The following UBXN2A variants were observed in gnomAD, a reference collection of about 807,000 sequenced individuals.
UBXN2A encodes UBX domain-containing protein 2A.
Under a neutral mutation model 28.4 loss-of-function variants are expected in UBXN2A, and 28 were observed. The observed-to-expected ratio is 0.99, with a 90% CI of 0.73 to 1.35. UBXN2A has a LOEUF of 1.35. Among genes scored for constraint, UBXN2A ranks in the 40% most tolerant of loss-of-function variants. The pLI, the probability that UBXN2A is intolerant of heterozygous loss-of-function variation, is 0.00. For missense variants in UBXN2A, 253 were observed against 297.9 expected (o/e 0.85, Z 1.11); for synonymous variants, 97 against 103.6 (o/e 0.94, Z 0.39).
chr2:23,965,821 C>G (rs1707137355), intron 2 of UBXN2A, among the ~76,000 whole-genome samples: 1 of 152,154 alleles, frequency 6.6e-6, no homozygotes, highest in Non-Finnish European at 1.5e-5. Context: ...TAGCATTCAT[C>G]AGTGACATCA....
At chr2:23,962,525 C>A (rs994381229) in intron 2 of UBXN2A, among the ~76,000 whole-genome samples, 48 of 151,966 alleles carry the variant, frequency 3.2e-4, no homozygotes, top group African/African-American at 1.1e-3. Context: ...TGTATTAGTC[C>A]ATTTTCATGC....
intron 3 of UBXN2A, among the ~76,000 whole-genome samples, chr2:23,976,145 C>T (rs1573582879): frequency 6.6e-6 from 1 of 152,302 alleles, no homozygotes; most frequent in East Asian, 1.9e-4. Context: ...AGTTGTGTCA[C>T]AATTGGGGAT....
upstream of UBXN2A, among the ~76,000 whole-genome samples, chr2:23,937,422 C>T (rs567377242): frequency 1.8e-4 from 28 of 152,070 alleles, no homozygotes; most frequent in South Asian, 3.3e-3. Context: ...TGGTGGCACA[C>T]GTCTGTGGTC....
At chr2:23,961,673 G>C (rs1451902992) in intron 2 of UBXN2A, among the ~76,000 whole-genome samples, 2 of 141,288 alleles carry the variant, frequency 1.4e-5, no homozygotes, top group Non-Finnish European at 3.0e-5. Context: ...TCAGCCTCCC[G>C]AGTAGCTGGG....
chr2:23,967,293 T>A (rs1296803422), intron 2 of UBXN2A, among the ~76,000 whole-genome samples: 1 of 152,176 alleles, frequency 6.6e-6, no homozygotes, highest in African/African-American at 2.4e-5. Flanking sequence ...ATAAATAACA[T>A]GAAGGAATGA....
chr2:23,942,134 G>A (rs1705791893), intron 1 of UBXN2A, among the ~76,000 whole-genome samples: 1 of 152,120 alleles, frequency 6.6e-6, no homozygotes, highest in Admixed American at 6.5e-5. Flanking sequence ...AGCAAAGACA[G>A]AGGCTAAAAT....
At chr2:23,930,875 A>G (rs1196073894) in intron 1 of UBXN2A, among the ~76,000 whole-genome samples, 1 of 152,080 alleles carries the variant, frequency 6.6e-6, no homozygotes, top group Non-Finnish European at 1.5e-5. Flanking sequence ...TAAAATTTAA[A>G]AAAAAAGGAG....
intron 6 of UBXN2A, chr2:23,996,937 A>C (rs1708561388): frequency 6.6e-6 from 1 of 151,916 alleles, no homozygotes; most frequent in Non-Finnish European, 1.5e-5. Flanking sequence ...AACCTCTTTC[A>C]CCTGGAGTTC....
At chr2:23,959,433 A>C (rs1428444572) in intron 2 of UBXN2A, among the ~76,000 whole-genome samples, 2 of 152,120 alleles carry the variant, frequency 1.3e-5, no homozygotes, top group Admixed American at 6.6e-5. Context: ...TGGAGGTTTC[A>C]GTGAGCCAAG....
At chr2:23,975,445 T>G (rs1360213280) in intron 3 of UBXN2A, among the ~76,000 whole-genome samples, 1 of 152,222 alleles carries the variant, frequency 6.6e-6, no homozygotes, top group Non-Finnish European at 1.5e-5. Flanking sequence ...CAAAGCAGAC[T>G]GAGAGCGGTA....
chr2:23,958,105 GTCTT>G (rs1706722784), intron 1 of UBXN2A, among the ~76,000 whole-genome samples, 192 bp from the exon 2 acceptor site: 1 of 152,140 alleles, frequency 6.6e-6, no homozygotes, highest in African/African-American at 2.4e-5. Context: ...GTTTTAAGAA[GTCTT>G]TCTTTTGTCA....
At chr2:23,960,039 T>G (rs531538650) in intron 2 of UBXN2A, among the ~76,000 whole-genome samples, 2 of 151,930 alleles carry the variant, frequency 1.3e-5, no homozygotes, top group Admixed American at 1.3e-4. Flanking sequence ...GATCACGAAG[T>G]CAGGAGATCG....
chr2:23,948,395 G>C (rs1356385023), intron 1 of UBXN2A, among the ~76,000 whole-genome samples: 1 of 151,514 alleles, frequency 6.6e-6, no homozygotes, highest in Non-Finnish European at 1.5e-5. Context: ...TGGGATTACA[G>C]GCATGCGCCA....
intron 1 of UBXN2A, among the ~76,000 whole-genome samples, chr2:23,928,033 G>A (rs1049295485): frequency 6.6e-6 from 1 of 151,690 alleles, no homozygotes; most frequent in African/African-American, 2.4e-5. Flanking sequence ...AAAAATCGAT[G>A]GGTGTTGTGG....
chr2:23,949,408 A>G (rs1036723118), intron 1 of UBXN2A, among the ~76,000 whole-genome samples: 1 of 151,920 alleles, frequency 6.6e-6, no homozygotes, highest in African/African-American at 2.4e-5. Flanking sequence ...TGTCTCTACT[A>G]AAAATACAAA....
At position 23,976,741 on chromosome 2, in the gene UBXN2A, T is replaced by C. The variant is rs556067803; in HGVS notation, c.181-228T>C. 5.5e-4 allele frequency among the ~76,000 whole-genome samples: 84 copies of C among 152,238 alleles called. 1 individual carries two copies. The East Asian group carries it at 0.015, about 28-fold the overall frequency. ...TTTTGGTGAGGACACAGCCAAACCA[T>C]ATCAATGATTTTGATTTTTTGTGGA... On this transcript the variant is annotated intron_variant, in intron 3 of 6. Transcript: ENST00000309033.
chr2:23,998,824 C>G (rs72781663), intron 6 of UBXN2A, among the ~76,000 whole-genome samples: 19,282 of 152,100 alleles, frequency 0.13, 1,319 homozygotes, highest in Middle Eastern at 0.22. Flanking sequence ...TCGTCTCCCG[C>G]GATCAACCTT....
At chr2:23,933,172 GACAAA>G (rs1350753484) in intron 1 of UBXN2A, among the ~76,000 whole-genome samples, 3 of 151,644 alleles carry the variant, frequency 2.0e-5, no homozygotes, top group South Asian at 2.1e-4. Context: ...AGCAAAAAAT[GACAAA>G]ACAAATTTTA....
intron 1 of UBXN2A, among the ~76,000 whole-genome samples, chr2:23,947,234 A>G (rs1706132083): frequency 6.6e-6 from 1 of 152,192 alleles, no homozygotes; most frequent in African/African-American, 2.4e-5. Context: ...GTCCAAATCT[A>G]TTTTGACTGG....
Sources: allele counts gnomAD v4.1 joint callset (sites outside exome capture counted in the v4.1 genomes callset), GRCh38; gene constraint gnomAD v4.1.1; transcripts MANE v1.5; gene names NCBI Gene and HGNC (gene_info 2026-07-23, HGNC 2026-07-21).